Variants in RIMS2 observed in about 807,000 individuals in gnomAD.
RIMS2 encodes the protein regulating synaptic membrane exocytosis protein 2.
RIMS2 carries 59 observed loss-of-function variants against 174.4 expected under a neutral mutation model. The ratio of observed to expected loss-of-function variants is 0.34; its 90% CI spans 0.27 to 0.42. RIMS2 has a LOEUF of 0.42. RIMS2 is among the 10% of genes least tolerant of loss of function. The pLI, the probability that RIMS2 is intolerant of heterozygous loss-of-function variation, is 1.00. For synonymous variants in RIMS2, 606 were observed against 572.5 expected, an observed-to-expected ratio of 1.06 and a Z score of -0.84; for missense variants, 1,620 against 1,666.3, an observed-to-expected ratio of 0.97 and a Z score of 0.48.
At chr8:104,207,593 G>T (rs1233001630) in intron 19 of RIMS2, among the ~76,000 whole-genome samples, 2 of 151,834 alleles carry the variant, frequency 1.3e-5, no homozygotes, top group Admixed American at 6.6e-5. Flanking sequence ...ATCACCTGAG[G>T]TCAGGAGTTC....
intron 19 of RIMS2, among the ~76,000 whole-genome samples, chr8:104,030,583 A>G (rs142870481): frequency 4.1e-4 from 63 of 151,998 alleles, no homozygotes; most frequent in African/African-American, 1.5e-3. Flanking sequence ...TTTGTTTGTT[A>G]TGCCCCAGCC....
intron 2 of RIMS2, among the ~76,000 whole-genome samples, chr8:103,741,203 T>C (rs1400009265): frequency 6.6e-6 from 1 of 152,078 alleles, no homozygotes; most frequent in Non-Finnish European, 1.5e-5. Flanking sequence ...ACTGGTTTTC[T>C]TTCAAAATTG....
intron 19 of RIMS2, among the ~76,000 whole-genome samples, chr8:104,132,618 A>G (rs2133052746): frequency 6.6e-6 from 1 of 152,318 alleles, no homozygotes; most frequent in Non-Finnish European, 1.5e-5. Context: ...AGGTGTTATA[A>G]AATTCCTGAC....
At chr8:104,236,599 C>T (rs1191035254) in intron 19 of RIMS2, among the ~76,000 whole-genome samples, 1 of 151,946 alleles carries the variant, frequency 6.6e-6, no homozygotes, top group Admixed American at 6.6e-5. Flanking sequence ...TTTCTATAGA[C>T]AAGTATTTTC....
intron 3 of RIMS2, among the ~76,000 whole-genome samples, chr8:103,842,897 T>C (rs2098948539): frequency 6.6e-6 from 1 of 152,246 alleles, no homozygotes; most frequent in Non-Finnish European, 1.5e-5. Flanking sequence ...TGGTTTCTTC[T>C]GAAGCCTAGC....
At chr8:104,016,550 C>T (rs906184419) in intron 19 of RIMS2, among the ~76,000 whole-genome samples, 1 of 151,954 alleles carries the variant, frequency 6.6e-6, no homozygotes, top group Admixed American at 6.6e-5. Flanking sequence ...AAAGACTTCA[C>T]AGCATTTTTA....
At chr8:103,600,360 C>T (rs1182096733) in intron 1 of RIMS2, among the ~76,000 whole-genome samples, 1 of 152,180 alleles carries the variant, frequency 6.6e-6, no homozygotes, top group East Asian at 1.9e-4. Flanking sequence ...ACCTCTGCCT[C>T]CTGGGTTCGA....
chr8:103,646,527 G>C (rs1031168143), intron 1 of RIMS2, among the ~76,000 whole-genome samples: 2 of 152,058 alleles, frequency 1.3e-5, no homozygotes, highest in Non-Finnish European at 2.9e-5. Context: ...TGTTCCTCCT[G>C]ATGTTCTACC....
intron 3 of RIMS2, among the ~76,000 whole-genome samples, chr8:103,811,031 G>A (rs1483780509): frequency 3.3e-5 from 5 of 152,144 alleles, no homozygotes; most frequent in Non-Finnish European, 7.3e-5. Context: ...TTACTAGATA[G>A]CAGAGGTGAC....
At chr8:103,989,232 G>T in intron 16 of RIMS2, 73 bp from the exon 19 acceptor site, 2 of 910,226 alleles carry the variant, frequency 2.2e-6, no homozygotes, top group Non-Finnish European at 3.5e-6. Context: ...TTTCTACTGT[G>T]CTTTAAAATA....
chr8:103,978,267 T>C (rs1177094760), intron 16 of RIMS2, among the ~76,000 whole-genome samples: 1 of 128,564 alleles, frequency 7.8e-6, no homozygotes, highest in Non-Finnish European at 1.9e-5. Context: ...TTCTCTTTCA[T>C]ATGATAGCCC....
chr8:104,188,257 AGATAGATAGATAGATG>A (rs1289864202), intron 19 of RIMS2, among the ~76,000 whole-genome samples: 163 of 147,254 alleles, frequency 1.1e-3, no homozygotes, highest in East Asian at 4.9e-3. Flanking sequence ...ATAGATAGAT[AGATAGATAGATAGATG>A]GATGAAGTAT....
At chr8:103,596,762 A>T (rs1030901669) in intron 1 of RIMS2, among the ~76,000 whole-genome samples, 2 of 150,962 alleles carry the variant, frequency 1.3e-5, no homozygotes, top group South Asian at 2.1e-4. Context: ...CATAGTACTG[A>T]TTCTTGTAAA....
At chr8:103,570,489 T>C (rs1587983046) in intron 1 of RIMS2, among the ~76,000 whole-genome samples, 1 of 152,168 alleles carries the variant, frequency 6.6e-6, no homozygotes, top group South Asian at 2.1e-4. Flanking sequence ...GATGCTTTGC[T>C]TCTCTAAACT....
At chr8:104,071,951 T>G (rs2097204287) in intron 19 of RIMS2, among the ~76,000 whole-genome samples, 1 of 152,234 alleles carries the variant, frequency 6.6e-6, no homozygotes, top group African/African-American at 2.4e-5. Flanking sequence ...TTATAAGGCC[T>G]TTAATAATGT....
chr8:103,555,552 G>A (rs1850031678), intron 1 of RIMS2, among the ~76,000 whole-genome samples: 3 of 152,044 alleles, frequency 2.0e-5, no homozygotes, highest in Admixed American at 1.3e-4. Context: ...GTGTCAAAGA[G>A]ATATCTGTAC....
intron 1 of RIMS2, among the ~76,000 whole-genome samples, chr8:103,585,902 A>G (rs1321683257): frequency 6.7e-6 from 1 of 149,576 alleles, no homozygotes; most frequent in African/African-American, 2.5e-5. Context: ...AAATTTTAAA[A>G]AATTGCATCA....
chr8:104,031,072 C>A lies in RIMS2; in HGVS notation c.3334+16457C>A, dbSNP rs535831091. ...ATAATCTTAGATGAGCCAAGTAACTCATATTCAATGATACCAAGCTGTTAC... is the reference window on the plus strand; with the variant it reads ...ATAATCTTAGATGAGCCAAGTAACTAATATTCAATGATACCAAGCTGTTAC... On this transcript the variant is annotated intron_variant, in intron 19 of 23. Transcript: ENST00000504942. Among the ~76,000 whole-genome samples the A allele has an allele frequency of 2.0e-5, 3 of 152,242 alleles. No homozygotes were observed. In the South Asian group the frequency reaches 6.2e-4, roughly 32 times the overall value.
At position 103,756,436 on chromosome 8, in the gene RIMS2, C is replaced by CT. The variant is rs370592918; in HGVS notation, c.388-9780dup. Among the ~76,000 whole-genome samples the CT allele has an allele frequency of 1.4e-3, 174 of 123,870 alleles. 1 individual carries two copies. The highest frequency in any genetic ancestry group is 3.8e-3 in the African/African-American group (129 of 33,696). 81.3% of individuals were successfully genotyped at this position (123,870 alleles called of 152,430 possible). On this transcript the variant is annotated intron_variant, in intron 2 of 23. Coordinates refer to ENST00000504942, the Ensembl canonical transcript of RIMS2. ...TCTTGTATATTATTTTCTTTTCTTTCTTTTTTTTTTTCTTTCTTAAGACAG... is the reference window on the plus strand; with the variant it reads ...TCTTGTATATTATTTTCTTTTCTTTCTTTTTTTTTTTTCTTTCTTAAGACAG...
Sources: gnomAD v4.1 joint callset for allele counts (sites outside exome capture counted in the v4.1 genomes callset) on GRCh38, gnomAD v4.1.1 for gene constraint, MANE v1.5 for transcripts, NCBI Gene and HGNC (gene_info 2026-07-23, HGNC 2026-07-21) for gene names.